STARD13: variants seen among roughly 807,000 people sequenced by gnomAD.
The protein encoded by STARD13 is StAR related lipid transfer domain containing 13, also known as stAR-related lipid transfer protein 13.
In STARD13, 62 loss-of-function variants were observed where a neutral mutation model predicts 106.4. The ratio of observed to expected loss-of-function variants is 0.58; its 90% CI spans 0.48 to 0.72. The LOEUF (loss-of-function observed/expected upper bound fraction) is 0.72. STARD13 is among the 30% of genes least tolerant of loss of function. STARD13 has a pLI of 0.00. For synonymous variants in STARD13, 565 were observed against 553.0 expected (o/e 1.02, Z -0.31); for missense variants, 1,387 against 1,424.0 (o/e 0.97, Z 0.42).
chr13:33,193,457 G>GCAGACAGAACA (rs1189414490), intron 1 of STARD13, among the ~76,000 whole-genome samples: 4 of 152,200 alleles, frequency 2.6e-5, no homozygotes, highest in Non-Finnish European at 5.9e-5. Flanking sequence ...GGACAAACAC[G>GCAGACAGAACA]CAGACAGAAC....
chr13:33,512,073 A>T, the STARD13 span, among the ~76,000 whole-genome samples: 7 of 152,194 alleles, frequency 4.6e-5, no homozygotes, highest in Non-Finnish European at 1.0e-4. Flanking sequence ...GTGGCTTGGT[A>T]TTTGAGCAGA....
At chr13:33,368,798 G>C in the STARD13 span, among the ~76,000 whole-genome samples, 1 of 152,086 alleles carries the variant, frequency 6.6e-6, no homozygotes, top group Non-Finnish European at 1.5e-5. Flanking sequence ...CGGAGGAGCC[G>C]GCCCACCATT....
chr13:33,662,197 G>A, the STARD13 span, among the ~76,000 whole-genome samples: 3 of 151,410 alleles, frequency 2.0e-5, no homozygotes, highest in South Asian at 2.1e-4. Context: ...CGGAGGCGGA[G>A]CTTGCAGTGA....
the STARD13 span, among the ~76,000 whole-genome samples, chr13:33,409,735 G>A: frequency 6.6e-6 from 1 of 152,192 alleles, no homozygotes; most frequent in Non-Finnish European, 1.5e-5. Flanking sequence ...GTACCTGCCT[G>A]ACCAAATAGA....
chr13:33,628,228 T>C, the STARD13 span, among the ~76,000 whole-genome samples: 9 of 151,844 alleles, frequency 5.9e-5, no homozygotes, highest in Admixed American at 2.6e-4. Flanking sequence ...TCTAATGTTT[T>C]TCTTTTATTT....
At chr13:33,366,678 G>A in the STARD13 span, among the ~76,000 whole-genome samples, 348 of 152,232 alleles carry the variant, frequency 2.3e-3, 5 homozygotes, top group African/African-American at 7.9e-3. The surrounding 1 kb of genome is among the most constrained non-coding windows in gnomAD (Gnocchi z 4.2). Context: ...AACACCTGCA[G>A]CTCAGTAACA....
the STARD13 span, among the ~76,000 whole-genome samples, chr13:33,467,943 A>G: frequency 1.3e-5 from 2 of 152,218 alleles, no homozygotes; most frequent in African/African-American, 4.8e-5. Context: ...AAGTAATCAC[A>G]GTTTTGTTAC....
chr13:33,669,594 G>A, the STARD13 span, among the ~76,000 whole-genome samples: 1 of 144,622 alleles, frequency 6.9e-6, no homozygotes, highest in Non-Finnish European at 1.5e-5. Context: ...GGAGTGCAGT[G>A]GTGTGATCTC....
intron 1 of STARD13, among the ~76,000 whole-genome samples, chr13:33,202,207 C>T (rs745341102): frequency 3.3e-5 from 5 of 152,138 alleles, no homozygotes; most frequent in Non-Finnish European, 5.9e-5. Context: ...TGTTTAGTTA[C>T]CTAACTATGA....
the STARD13 span, among the ~76,000 whole-genome samples, chr13:33,461,486 G>A: frequency 6.6e-6 from 1 of 152,144 alleles, no homozygotes; most frequent in Admixed American, 6.5e-5. Flanking sequence ...AGAGAGATAA[G>A]GGTTCCTCAG....
At chr13:33,429,938 G>A in the STARD13 span, among the ~76,000 whole-genome samples, 3,781 of 148,674 alleles carry the variant, frequency 0.025, 170 homozygotes, top group African/African-American at 0.079. Context: ...GGGGGGGGGG[G>A]ACGGAGTCTC....
At chr13:33,327,096 T>C (rs1375806472) in intron 1 of STARD13, among the ~76,000 whole-genome samples, 4 of 152,214 alleles carry the variant, frequency 2.6e-5, no homozygotes, top group African/African-American at 9.7e-5. Flanking sequence ...TTGAGAAAAA[T>C]GGTGCACCTA....
At position 33,129,316 on chromosome 13, in the gene STARD13, C is replaced by A. The variant is rs765773647; in HGVS notation, c.1361G>T (p.Ser454Ile). The A allele has an allele frequency of 1.9e-6, 3 of 1,614,180 alleles. No individual in the cohort carries two copies. In the South Asian group the frequency reaches 3.3e-5, roughly 18 times the overall value. Residue 454 changes from serine (S) to isoleucine (I), a missense_variant, in exon 5 of 14, where the codon AGC (serine) becomes ATC (isoleucine). Ser to Ile is a moderately radical substitution (Grantham distance 142, BLOSUM62 -2). Transcript: ENST00000336934. ...PRLMASCHRA[S>I]RVSIYDNVPG... is the part of the protein sequence containing the mutation. Reference sequence around the variant, plus strand: ...GACATTGTCATAGATACTGACTCGGCTGGCTCTGTGGCAGGACGCCATGAG... The same window carrying A: ...GACATTGTCATAGATACTGACTCGGATGGCTCTGTGGCAGGACGCCATGAG...
the STARD13 span, among the ~76,000 whole-genome samples, chr13:33,452,359 G>T: frequency 5.9e-5 from 9 of 152,018 alleles, no homozygotes; most frequent in Admixed American, 3.3e-4. Context: ...TGGGTGTCAG[G>T]GGAAACCTAT....
chr13:33,234,285 G>A (rs1403085538), intron 1 of STARD13, among the ~76,000 whole-genome samples: 1 of 152,178 alleles, frequency 6.6e-6, no homozygotes, highest in Non-Finnish European at 1.5e-5. Flanking sequence ...TTGTCCTCAA[G>A]TGACTTTGAA....
At chr13:33,125,096 C>G (rs1876960989) in intron 7 of STARD13, among the ~76,000 whole-genome samples, 1 of 152,136 alleles carries the variant, frequency 6.6e-6, no homozygotes, top group Non-Finnish European at 1.5e-5. Context: ...TCTGGTTCAC[C>G]AAGAGACCAG....
chr13:33,108,257 A>C (rs1250291228), intron 12 of STARD13, among the ~76,000 whole-genome samples: 1 of 152,190 alleles, frequency 6.6e-6, no homozygotes. Context: ...GAGGCATCTC[A>C]GCCCCGTGCC....
chr13:33,488,262 A>G, the STARD13 span, among the ~76,000 whole-genome samples: 2 of 152,142 alleles, frequency 1.3e-5, no homozygotes, highest in Non-Finnish European at 2.9e-5. Flanking sequence ...CTGCATCCAG[A>G]GGGCCACCTT....
At chr13:33,160,539 T>C (rs768384603) in intron 3 of STARD13, among the ~76,000 whole-genome samples, 13 of 152,126 alleles carry the variant, frequency 8.5e-5, no homozygotes, top group Non-Finnish European at 1.8e-4. Flanking sequence ...CAAAACACAT[T>C]TCTGACAAAG....
Sources: gnomAD v4.1 joint callset for allele counts (sites outside exome capture counted in the v4.1 genomes callset) on GRCh38, gnomAD v4.1.1 for gene constraint, Gnocchi (gnomAD v3.1) non-coding constraint, MANE v1.5 for transcripts, NCBI Gene and HGNC (gene_info 2026-07-23, HGNC 2026-07-21) for gene names.